ZNF519: variants seen among roughly 807,000 people sequenced by gnomAD.
ZNF519 encodes similar to Zinc finger protein 85 (Zinc finger protein HPF4) (HTF1).
Under a neutral mutation model 7.4 loss-of-function variants are expected in ZNF519, and 7 were observed. The ratio of observed to expected loss-of-function variants is 0.94; its 90% CI spans 0.54 to 1.77. ZNF519 has a LOEUF of 1.77. Among genes scored for constraint, ZNF519 ranks in the 40% most tolerant of loss-of-function variants. The pLI, the probability that ZNF519 is intolerant of heterozygous loss-of-function variation, is 0.00. For synonymous variants in ZNF519, 179 were observed against 203.3 expected, an observed-to-expected ratio of 0.88 and a Z score of 1.02; for missense variants, 586 against 623.1, an observed-to-expected ratio of 0.94 and a Z score of 0.63.
At chr18:14,122,625 T>C (rs1266060943) in intron 2 of ZNF519, 1 of 151,976 alleles carries the variant, frequency 6.6e-6, no homozygotes, top group Non-Finnish European at 1.5e-5. Flanking sequence ...AAAAAATTCT[T>C]AGAAAATTTA....
At chr18:14,114,797 G>A (rs1016323959) in intron 2 of ZNF519, among the ~76,000 whole-genome samples, 6 of 151,980 alleles carry the variant, frequency 3.9e-5, no homozygotes, top group African/African-American at 9.7e-5. Flanking sequence ...CAAAAGGAAC[G>A]TAATTAGATT....
intron 2 of ZNF519, among the ~76,000 whole-genome samples, chr18:14,093,232 G>A (rs930328991): frequency 1.3e-5 from 2 of 152,106 alleles, no homozygotes; most frequent in Non-Finnish European, 2.9e-5. Flanking sequence ...CACTTACACT[G>A]ACCAACCCTT....
At chr18:14,096,868 G>A (rs1035992407), downstream of ZNF519, among the ~76,000 whole-genome samples, 3 of 152,182 alleles carry the variant, frequency 2.0e-5, no homozygotes, top group Non-Finnish European at 4.4e-5. Context: ...CTTCCTGTGA[G>A]TTCAGCTCAC....
At chr18:14,079,518 T>C (rs10164136) in intron 3 of ZNF519, among the ~76,000 whole-genome samples, 2,389 of 152,278 alleles carry the variant, frequency 0.016, 64 homozygotes, top group African/African-American at 0.055. Flanking sequence ...AGACTTACAA[T>C]AAAGCTACCG....
Position 14,104,925 on chromosome 18 carries a change from T to C in ZNF519, c.1615A>G (p.Thr539Ala). 1 of 1,546,418 alleles carries C rather than the reference T, an allele frequency of 6.5e-7. No individual in the cohort carries two copies. The highest frequency in any genetic ancestry group is 8.7e-7 in the Non-Finnish European group (1 of 1,150,720). ...TTACACTTGCAGGGTTTCTACCTGGTATGAATTATTTGATGTTGAGTAAGG... is the reference window on the plus strand; with the variant it reads ...TTACACTTGCAGGGTTTCTACCTGGCATGAATTATTTGATGTTGAGTAAGG... ...STLTQHQIIHTR is the reference protein window; with the variant it reads ...STLTQHQIIHAR The change falls in exon 3 of 3, where the codon ACC (threonine) becomes GCC (alanine). Residue 539 changes from threonine (T) to alanine (A), a missense_variant. Thr to Ala is a moderately conservative substitution (Grantham distance 58). Coordinates refer to ENST00000590202, the MANE Select transcript of ZNF519 (RefSeq NM_145287.4).
At chr18:14,084,629 C>T (rs1174199596) in intron 3 of ZNF519, among the ~76,000 whole-genome samples, 1 of 152,078 alleles carries the variant, frequency 6.6e-6, no homozygotes, top group Non-Finnish European at 1.5e-5. Context: ...CTGAGCTTCC[C>T]AGTCTCCCTC....
At chr18:14,071,391 TA>T (rs2046027698), downstream of ZNF519, 1 of 152,182 alleles carries the variant, frequency 6.6e-6, no homozygotes, top group Admixed American at 6.5e-5. Flanking sequence ...TAGATATAGA[TA>T]AATATCAACT....
chr18:14,121,429 A>T (rs1598521742), intron 2 of ZNF519, among the ~76,000 whole-genome samples: 1 of 152,176 alleles, frequency 6.6e-6, no homozygotes, highest in Non-Finnish European at 1.5e-5. Context: ...ACGTATACAC[A>T]TATCAAATCA....
chr18:14,076,992 T>G (rs1040476583), exon 5 of ZNF519: 5 of 152,138 alleles, frequency 3.3e-5, no homozygotes, highest in African/African-American at 1.2e-4. Flanking sequence ...TCTTACACAC[T>G]ATCGAAGGCA....
chr18:14,117,137 C>T (rs1461806209), intron 2 of ZNF519, among the ~76,000 whole-genome samples: 2 of 152,082 alleles, frequency 1.3e-5, no homozygotes, highest in African/African-American at 4.8e-5. Flanking sequence ...TTAAATTTAT[C>T]TCTGCACGCT....
At chr18:14,118,397 T>C (rs950103269) in intron 2 of ZNF519, among the ~76,000 whole-genome samples, 9 of 152,178 alleles carry the variant, frequency 5.9e-5, no homozygotes, top group Non-Finnish European at 1.0e-4. Flanking sequence ...AAATATCTTG[T>C]CAGATGCTAC....
rs2046184728 is a variant in ZNF519 at position 14,105,453 on chromosome 18, G to T, written c.1087C>A (p.Leu363Ile). 1.3e-5 allele frequency: 21 copies of T among 1,613,666 alleles called. No homozygotes were observed. Among genetic ancestry groups the T allele is most frequent in the Non-Finnish European group, 1.7e-5 (20 of 1,179,922 alleles). Residue 363 changes from leucine to isoleucine, a missense_variant, in exon 3 of 3, where the codon CTT becomes ATT. Physicochemically the swap from Leu to Ile is conservative, Grantham distance 5. Transcript: ENST00000590202. ...CGKAFNRGSY[L>I]TQHQRIHTGE... ...GTATGGATTCTCTGGTGTTGAGTAA[G>T]GTATGACCCCCTGTTAAAGGCTTTG...
chr18:14,079,830 G>C (rs920254081), intron 3 of ZNF519, among the ~76,000 whole-genome samples: 1 of 152,108 alleles, frequency 6.6e-6, no homozygotes, highest in African/African-American at 2.4e-5. Flanking sequence ...AATTATAGAT[G>C]ACCCTGAGTT....
chr18:14,128,725 A>ACAC (rs56225613), intron 1 of ZNF519, among the ~76,000 whole-genome samples: 3 of 148,490 alleles, frequency 2.0e-5, no homozygotes, highest in Non-Finnish European at 3.0e-5. Context: ...ACACACACAC[A>ACAC]AAACCAAATG....
At chr18:14,126,447 A>ATGTC (rs1433926661) in intron 1 of ZNF519, among the ~76,000 whole-genome samples, 1 of 152,230 alleles carries the variant, frequency 6.6e-6, no homozygotes, top group Non-Finnish European at 1.5e-5. Flanking sequence ...CTGTCCATGA[A>ATGTC]TAGACCTTCA....
intron 2 of ZNF519, among the ~76,000 whole-genome samples, chr18:14,085,536 A>T (rs557093477): frequency 1.3e-5 from 2 of 152,260 alleles, no homozygotes; most frequent in South Asian, 4.2e-4. Flanking sequence ...CAAGCACAAA[A>T]GCACCTTTAC....
downstream of ZNF519, chr18:14,073,018 T>C (rs936733949): frequency 2.6e-5 from 4 of 152,064 alleles, no homozygotes; most frequent in Admixed American, 1.3e-4. Flanking sequence ...AATACACCAA[T>C]AGAAGGTATG....
At chr18:14,099,180 A>G (rs1048385010), downstream of ZNF519, among the ~76,000 whole-genome samples, 1 of 151,580 alleles carries the variant, frequency 6.6e-6, no homozygotes. Context: ...GCTACTTCCC[A>G]CCAACCTAGC....
intron 1 of ZNF519, among the ~76,000 whole-genome samples, chr18:14,129,906 T>C (rs1033215734): frequency 6.6e-6 from 1 of 152,138 alleles, no homozygotes; most frequent in African/African-American, 2.4e-5. Context: ...CAGTTTATTA[T>C]TGAAGATACA....
Sources: allele counts gnomAD v4.1 joint callset (sites outside exome capture counted in the v4.1 genomes callset), GRCh38; gene constraint gnomAD v4.1.1; transcripts MANE v1.5; gene names NCBI Gene and HGNC (gene_info 2026-07-23, HGNC 2026-07-21).